PPP3R1: variants seen among roughly 807,000 people sequenced by gnomAD.
PPP3R1 encodes protein phosphatase 3 regulatory subunit B, alpha.
In PPP3R1, 5 loss-of-function variants were observed where a neutral mutation model predicts 22.6. The ratio of observed to expected loss-of-function variants is 0.22; its 90% CI spans 0.12 to 0.46. The LOEUF is 0.46. Among genes scored for constraint, PPP3R1 ranks in the 20% least tolerant of loss-of-function variants. PPP3R1 has a pLI of 0.99. For missense variants in PPP3R1, 61 were observed against 203.2 expected (o/e 0.30, Z 4.25); for synonymous variants, 56 against 65.2 (o/e 0.86, Z 0.68).
intron 2 of PPP3R1, among the ~76,000 whole-genome samples, chr2:68,209,030 T>A (rs1669402601): frequency 6.7e-6 from 1 of 149,386 alleles, no homozygotes; most frequent in Non-Finnish European, 1.5e-5. Flanking sequence ...GGATAACTGG[T>A]CATAGGTATC....
intron 1 of PPP3R1, among the ~76,000 whole-genome samples, chr2:68,229,965 T>TACACATACAC (rs1553408547): frequency 2.0e-5 from 1 of 49,494 alleles, no homozygotes; most frequent in Non-Finnish European, 3.5e-5. Flanking sequence ...TGTGTATATA[T>TACACATACAC]ACACACATAC....
At chr2:68,211,482 C>G (rs2861814) in intron 2 of PPP3R1, among the ~76,000 whole-genome samples, 1 of 150,992 alleles carries the variant, frequency 6.6e-6, no homozygotes, top group Non-Finnish European at 1.5e-5. Context: ...TGTAATTGTT[C>G]TGCTGTTGGT....
At chr2:68,207,764 C>T (rs1669341291) in intron 2 of PPP3R1, among the ~76,000 whole-genome samples, 1 of 152,228 alleles carries the variant, frequency 6.6e-6, no homozygotes, top group Admixed American at 6.5e-5. Flanking sequence ...TTTCTTTCCA[C>T]TATCAAGTGG....
chr2:68,245,496 C>G (rs1219248414), intron 1 of PPP3R1, among the ~76,000 whole-genome samples: 1 of 152,204 alleles, frequency 6.6e-6, no homozygotes, highest in Non-Finnish European at 1.5e-5. Flanking sequence ...CACTACTTTT[C>G]ACCAGCAACT....
intron 2 of PPP3R1, among the ~76,000 whole-genome samples, chr2:68,215,273 A>G (rs1329700765): frequency 6.6e-6 from 1 of 152,090 alleles, no homozygotes; most frequent in Admixed American, 6.6e-5. Flanking sequence ...ATACCCATGA[A>G]CCTAAAATAA....
At position 68,179,009 on chromosome 2, in the gene PPP3R1, A is replaced by AAGAAAG. The variant is rs1553403010; in HGVS notation, c.*1953_*1954insCTTTCT. On this transcript the variant is annotated 3_prime_UTR_variant, in exon 6 of 6. Coordinates refer to ENST00000234310, the MANE Select transcript of PPP3R1 (RefSeq NM_000945.4). ...CACACACAAACTAAAAAAAAAAAAA[A>AAGAAAG]AAAAAAAGAAAAAGAAAAAACCCTC... 137 of 122,536 alleles carry AAGAAAG rather than the reference A, an allele frequency of 1.1e-3. 3 individuals are homozygous for AAGAAAG. The East Asian group carries it at 0.017, about 15-fold the overall frequency. The allele number at this position is 122,536 out of a possible 1,614,324, so 7.6% of individuals were successfully genotyped here.
chr2:68,184,153 A>G (rs1359436599), intron 5 of PPP3R1, among the ~76,000 whole-genome samples: 1 of 152,230 alleles, frequency 6.6e-6, no homozygotes, highest in Non-Finnish European at 1.5e-5. Flanking sequence ...CCAGGGGAAC[A>G]GAGTAGGGAA....
intron 1 of PPP3R1, among the ~76,000 whole-genome samples, chr2:68,229,963 T>TACACACACAC (rs1381204435): frequency 1.5e-5 from 1 of 68,284 alleles, no homozygotes; most frequent in Non-Finnish European, 2.7e-5. Context: ...TGTGTGTATA[T>TACACACACAC]ATACACACAT....
intron 2 of PPP3R1, among the ~76,000 whole-genome samples, chr2:68,211,100 C>A (rs895698169): frequency 4.6e-5 from 7 of 152,074 alleles, no homozygotes; most frequent in Admixed American, 1.3e-4. Flanking sequence ...AACACATATA[C>A]CTTAATTTAA....
intron 2 of PPP3R1, among the ~76,000 whole-genome samples, chr2:68,202,887 T>TC (rs1675015340): frequency 7.3e-6 from 1 of 137,370 alleles, no homozygotes; most frequent in African/African-American, 2.9e-5. Context: ...ACTGCAAGCT[T>TC]CGCCTCCCAG....
At chr2:68,212,725 C>A (rs941758040) in intron 2 of PPP3R1, among the ~76,000 whole-genome samples, 3 of 152,156 alleles carry the variant, frequency 2.0e-5, no homozygotes, top group African/African-American at 7.2e-5. Context: ...TTTGTTGTTC[C>A]ATTTAGAGAG....
Position 68,179,041 on chromosome 2 carries a change from C to T in PPP3R1, c.*1922G>A, listed in dbSNP as rs950068611. 6.8e-6 allele frequency: 1 copy of T among 147,774 alleles called. No homozygotes were observed. Among genetic ancestry groups the T allele is most frequent in the Admixed American group, 6.7e-5 (1 of 14,878 alleles). The allele number at this position is 147,774 out of a possible 1,614,324, so 9.2% of individuals were successfully genotyped here. ...AGAAAAAGAAAAAACCCTCATTCCCCGGTAAGGAAATAATGTTTACACTAT... is the reference window on the plus strand; with the variant it reads ...AGAAAAAGAAAAAACCCTCATTCCCTGGTAAGGAAATAATGTTTACACTAT... On this transcript the variant is annotated 3_prime_UTR_variant, in exon 6 of 6. Coordinates refer to ENST00000234310, the MANE Select transcript of PPP3R1 (RefSeq NM_000945.4).
At chr2:68,223,114 G>C (rs1005646026) in intron 1 of PPP3R1, among the ~76,000 whole-genome samples, 1 of 152,156 alleles carries the variant, frequency 6.6e-6, no homozygotes, top group Non-Finnish European at 1.5e-5. Flanking sequence ...AGAAAACTAT[G>C]GCCGGGCGCG....
chr2:68,206,408 A>AG (rs1158676889), intron 2 of PPP3R1, among the ~76,000 whole-genome samples: 2 of 152,130 alleles, frequency 1.3e-5, no homozygotes, highest in African/African-American at 4.8e-5. Context: ...GGCAGAGGTG[A>AG]GGGGGGAGGC....
Position 68,215,119 on chromosome 2 carries a change from A to C in PPP3R1, c.43+1973T>G, listed in dbSNP as rs575108609. Among the ~76,000 whole-genome samples the C allele has an allele frequency of 4.6e-5, 7 of 152,222 alleles. No individual in the cohort carries two copies. In the South Asian group the frequency reaches 1.5e-3, roughly 32 times the overall value. On this transcript the variant is annotated intron_variant, in intron 2 of 5. Coordinates refer to ENST00000234310, the MANE Select transcript of PPP3R1 (RefSeq NM_000945.4). ...CACAAAAATGGGAACAACAGACATC[A>C]AGGCCTACTTGACAGTGGAGGGTGG...
chr2:68,251,687 T>C (rs1330172020), intron 1 of PPP3R1, among the ~76,000 whole-genome samples: 1 of 152,118 alleles, frequency 6.6e-6, no homozygotes, highest in African/African-American at 2.4e-5. Flanking sequence ...TTGCCACATA[T>C]TGTTATTTCC....
At chr2:68,181,981 A>G (rs1022671202) in intron 5 of PPP3R1, among the ~76,000 whole-genome samples, 3 of 152,046 alleles carry the variant, frequency 2.0e-5, no homozygotes, top group African/African-American at 7.2e-5. Context: ...CATAGGTCAT[A>G]AATGTCCACA....
At chr2:68,189,979 G>GA (rs1324927886) in intron 2 of PPP3R1, among the ~76,000 whole-genome samples, 9 of 151,980 alleles carry the variant, frequency 5.9e-5, no homozygotes, top group African/African-American at 1.9e-4. Flanking sequence ...CACAACACTA[G>GA]AAAAGAGTAC....
rs190099391 is a variant in PPP3R1, at chr2:68,240,542, G to C, written c.3+11583C>G. Among the ~76,000 whole-genome samples, 66 of 152,300 alleles carry C rather than the reference G, an allele frequency of 4.3e-4. No individual in the cohort carries two copies. The East Asian group carries it at 0.012, about 27-fold the overall frequency. On this transcript the variant is annotated intron_variant, in intron 1 of 5. Coordinates refer to ENST00000234310, the MANE Select transcript of PPP3R1 (RefSeq NM_000945.4). ...AAACTAATCAATTATGTGCTACAAA[G>C]GAAACATTAAAGGTACTAAAAGAGT...
Sources: allele counts gnomAD v4.1 joint callset (sites outside exome capture counted in the v4.1 genomes callset), GRCh38; gene constraint gnomAD v4.1.1; transcripts MANE v1.5; gene names NCBI Gene and HGNC (gene_info 2026-07-23, HGNC 2026-07-21).